The following ATXN1 variants were observed in gnomAD, a reference collection of about 807,000 sequenced individuals.
The protein encoded by ATXN1 is ataxin-1.
A neutral mutation model predicts 56.4 loss-of-function variants in ATXN1; 8 were observed. That is an observed-to-expected ratio of 0.14 (90% CI 0.08 to 0.26). The LOEUF (loss-of-function observed/expected upper bound fraction) is 0.26. Among genes scored for constraint, ATXN1 ranks in the 10% least tolerant of loss-of-function variants. The pLI, the probability that ATXN1 is intolerant of heterozygous loss-of-function variation, is 1.00. For missense variants in ATXN1, 987 were observed against 1,106.5 expected (o/e 0.89, Z 1.53); for synonymous variants, 514 against 494.6 (o/e 1.04, Z -0.52).
chr6:16,485,638 T>G (rs1760528949), intron 6 of ATXN1: 2 of 152,134 alleles, frequency 1.3e-5, no homozygotes, highest in Admixed American at 6.6e-5. Context: ...CAGCCCAGTT[T>G]AAAGGGGCTG....
intron 6 of ATXN1, among the ~76,000 whole-genome samples, chr6:16,408,515 T>TAAAAAAA (rs34769591): frequency 7.3e-6 from 1 of 136,848 alleles, no homozygotes. Context: ...ATGAGGATGG[T>TAAAAAAA]AAAAAAAAAA....
chr6:16,329,305 C>G (rs1401234392), intron 6 of ATXN1, among the ~76,000 whole-genome samples: 1 of 152,062 alleles, frequency 6.6e-6, no homozygotes, highest in Non-Finnish European at 1.5e-5. Flanking sequence ...TCCTTGCACT[C>G]GATTTCTGAA....
intron 7 of ATXN1, among the ~76,000 whole-genome samples, chr6:16,319,316 A>G (rs1470894914): frequency 6.6e-6 from 1 of 152,242 alleles, no homozygotes; most frequent in Non-Finnish European, 1.5e-5. Context: ...CCTGAAATGC[A>G]TATCGCTAAG....
intron 4 of ATXN1, among the ~76,000 whole-genome samples, chr6:16,533,755 C>T (rs899381012): frequency 6.6e-6 from 1 of 152,162 alleles, no homozygotes; most frequent in African/African-American, 2.4e-5. Flanking sequence ...TCCTTCGTCA[C>T]GCATATAACT....
chr6:16,498,850 T>TA (rs997794818), intron 5 of ATXN1, among the ~76,000 whole-genome samples: 41 of 152,334 alleles, frequency 2.7e-4, no homozygotes, highest in African/African-American at 9.6e-4. Context: ...ACTGGGTTGT[T>TA]AGTCTTTTTC....
At chr6:16,638,928 T>A (rs142176029) in intron 3 of ATXN1, among the ~76,000 whole-genome samples, 1 of 152,182 alleles carries the variant, frequency 6.6e-6, no homozygotes, top group African/African-American at 2.4e-5. Flanking sequence ...GAAGTGGTAT[T>A]GAGAGGTGAA....
At chr6:16,736,871 GTTA>G (rs1760152681) in intron 2 of ATXN1, 1 of 152,236 alleles carries the variant, frequency 6.6e-6, no homozygotes, top group Admixed American at 6.5e-5. Flanking sequence ...AAAATGCAAT[GTTA>G]TTTAGTTTTC....
chr6:16,559,118 G>A (rs1018730162), intron 4 of ATXN1, among the ~76,000 whole-genome samples: 20 of 152,220 alleles, frequency 1.3e-4, no homozygotes, highest in South Asian at 2.1e-4. Context: ...GGCAAAGATC[G>A]TGAAGTTTAA....
chr6:16,640,355 C>T (rs1763685567), intron 3 of ATXN1, among the ~76,000 whole-genome samples: 1 of 152,134 alleles, frequency 6.6e-6, no homozygotes, highest in South Asian at 2.1e-4. Context: ...TTCTCTCTCC[C>T]TCCTCTCGGG....
chr6:16,709,074 A>C (rs1010701511), intron 2 of ATXN1, among the ~76,000 whole-genome samples: 1 of 152,004 alleles, frequency 6.6e-6, no homozygotes, highest in Non-Finnish European at 1.5e-5. Flanking sequence ...AGGAGGAAGG[A>C]AAATTAAATC....
intron 6 of ATXN1, among the ~76,000 whole-genome samples, chr6:16,468,241 A>G (rs1296090117): frequency 6.6e-6 from 1 of 152,214 alleles, no homozygotes; most frequent in Admixed American, 6.5e-5. Context: ...GCTGGAGTGC[A>G]GTGGCACGAT....
rs150852584 is a variant in ATXN1, at chr6:16,705,237, T to C, written c.-614-47336A>G. On this transcript the variant is annotated intron_variant, in intron 2 of 7. Coordinates refer to ENST00000436367, the MANE Select transcript of ATXN1 (RefSeq NM_001128164.2). ...AGAATTCCAGACCTACTTCAAACAA[T>C]AGCCCTACTGTTTTGCTCACCCCAC... Among the ~76,000 whole-genome samples, 186 of 152,246 alleles carry C rather than the reference T, an allele frequency of 1.2e-3. 4 individuals carry two copies. In the East Asian group the frequency reaches 0.031, roughly 26 times the overall value.
intron 4 of ATXN1, among the ~76,000 whole-genome samples, chr6:16,570,820 C>A (rs1027441820): frequency 6.6e-6 from 1 of 152,216 alleles, no homozygotes; most frequent in Admixed American, 6.5e-5. Flanking sequence ...TGGAGTCTGT[C>A]TAATCCAAAA....
chr6:16,638,445 CAA>C (rs11310261), intron 3 of ATXN1, among the ~76,000 whole-genome samples: 8,107 of 92,230 alleles, frequency 0.088, 542 homozygotes, highest in African/African-American at 0.26. Context: ...GACGCTGCCT[CAA>C]AAAAAAAAAA....
intron 6 of ATXN1, among the ~76,000 whole-genome samples, chr6:16,332,672 G>A (rs1463796931): frequency 6.6e-6 from 1 of 152,342 alleles, no homozygotes; most frequent in African/African-American, 2.4e-5. Context: ...ATTGGAGGGA[G>A]AGTTAATAGA....
intron 6 of ATXN1, among the ~76,000 whole-genome samples, chr6:16,344,329 T>C (rs974429422): frequency 6.6e-6 from 1 of 152,192 alleles, no homozygotes; most frequent in East Asian, 1.9e-4. Flanking sequence ...CTTGATTGGA[T>C]TGAAGGATGC....
intron 6 of ATXN1, among the ~76,000 whole-genome samples, chr6:16,390,772 G>A (rs72823507): frequency 1.1e-3 from 173 of 151,918 alleles, no homozygotes; most frequent in Non-Finnish European, 2.0e-3. Context: ...CGTAAGTGTC[G>A]GTTCTAGTTC....
At chr6:16,324,052 T>C (rs374654664) in intron 7 of ATXN1, among the ~76,000 whole-genome samples, 6 of 152,196 alleles carry the variant, frequency 3.9e-5, no homozygotes, top group South Asian at 2.1e-4. Context: ...CTCTCGGCAA[T>C]GCAGGGCCCC....
At chr6:16,644,763 C>A (rs577938338) in intron 3 of ATXN1, among the ~76,000 whole-genome samples, 1 of 152,054 alleles carries the variant, frequency 6.6e-6, no homozygotes, top group Non-Finnish European at 1.5e-5. Context: ...GACGTGGCCA[C>A]TCACCAGGAA....
Sources: allele counts gnomAD v4.1 joint callset (sites outside exome capture counted in the v4.1 genomes callset), GRCh38; gene constraint gnomAD v4.1.1; transcripts MANE v1.5; gene names NCBI Gene and HGNC (gene_info 2026-07-23, HGNC 2026-07-21).